Variants in HPSE2 observed in about 807,000 individuals in gnomAD.
HPSE2 encodes the protein heparanase 2 (inactive).
In HPSE2, 38 loss-of-function variants were observed where a neutral mutation model predicts 60.5. The ratio of observed to expected loss-of-function variants is 0.63; its 90% CI spans 0.48 to 0.82. The LOEUF (loss-of-function observed/expected upper bound fraction) is 0.82. Among genes scored for constraint, HPSE2 ranks in the 40% least tolerant of loss-of-function variants. The pLI is 0.00. For missense variants in HPSE2, 713 were observed against 740.4 expected (o/e 0.96, Z 0.43); for synonymous variants, 295 against 293.2 (o/e 1.01, Z -0.06).
chr10:98,513,631 A>T (rs976714471), intron 9 of HPSE2, among the ~76,000 whole-genome samples: 1 of 152,216 alleles, frequency 6.6e-6, no homozygotes, highest in Non-Finnish European at 1.5e-5. Flanking sequence ...GGGCTCAAAA[A>T]ATCAAGGGCA....
intron 4 of HPSE2, among the ~76,000 whole-genome samples, chr10:98,733,003 T>C (rs991740341): frequency 6.6e-6 from 1 of 152,166 alleles, no homozygotes; most frequent in Non-Finnish European, 1.5e-5. Context: ...AGTAAGTACA[T>C]GAAAAGGTGC....
chr10:98,751,809 T>C (rs1046914968), intron 3 of HPSE2, among the ~76,000 whole-genome samples: 1 of 152,188 alleles, frequency 6.6e-6, no homozygotes, highest in Non-Finnish European at 1.5e-5. Context: ...TGGGGTTGGG[T>C]TAATACTAGG....
chr10:98,809,922 A>T (rs958189430), intron 3 of HPSE2, among the ~76,000 whole-genome samples: 6 of 152,080 alleles, frequency 3.9e-5, no homozygotes, highest in Admixed American at 3.9e-4. Context: ...TAATTCTTTG[A>T]TCTTTCCCAT....
chr10:99,271,787 T>G, the HPSE2 span, among the ~76,000 whole-genome samples: 1 of 152,130 alleles, frequency 6.6e-6, no homozygotes, highest in Admixed American at 6.5e-5. Flanking sequence ...GGTTCTGGTA[T>G]AAAAACAGGG....
intron 9 of HPSE2, among the ~76,000 whole-genome samples, chr10:98,528,812 T>G (rs1591318131): frequency 6.6e-6 from 1 of 152,328 alleles, no homozygotes; most frequent in Admixed American, 6.5e-5. Context: ...TTACGGTTAC[T>G]GTGAATGAAA....
chr10:99,261,993 G>GC, the HPSE2 span, among the ~76,000 whole-genome samples: 1 of 152,188 alleles, frequency 6.6e-6, no homozygotes, highest in South Asian at 2.1e-4. Context: ...CACTCCCAGA[G>GC]CCCCTGGAAC....
chr10:98,855,348 G>A (rs1952286804), intron 3 of HPSE2, among the ~76,000 whole-genome samples: 1 of 152,114 alleles, frequency 6.6e-6, no homozygotes, highest in Non-Finnish European at 1.5e-5. Context: ...ATAGAGAGGA[G>A]GGAGACAAGG....
intron 3 of HPSE2, among the ~76,000 whole-genome samples, chr10:99,064,290 G>A (rs1357899621): frequency 3.3e-5 from 5 of 152,032 alleles, no homozygotes. Flanking sequence ...TTTGTGTGAG[G>A]GAGTAATCAT....
chr10:99,108,491 A>G (rs553967144), intron 3 of HPSE2, among the ~76,000 whole-genome samples: 33 of 152,146 alleles, frequency 2.2e-4, no homozygotes, highest in Admixed American at 2.2e-3. Flanking sequence ...TATATATTTC[A>G]TGGCTAACTT....
At chr10:98,655,732 C>T (rs1947043330) in intron 6 of HPSE2, among the ~76,000 whole-genome samples, 2 of 152,076 alleles carry the variant, frequency 1.3e-5, no homozygotes, top group African/African-American at 4.8e-5. Flanking sequence ...TGGGAAATAC[C>T]CTTAATCTCC....
At chr10:99,291,484 T>G in the HPSE2 span, among the ~76,000 whole-genome samples, 4 of 150,514 alleles carry the variant, frequency 2.7e-5, no homozygotes, top group South Asian at 8.4e-4. Flanking sequence ...CTTGGGAGAC[T>G]GAGGCAGGAG....
chr10:99,296,075 TGG>T, the HPSE2 span, among the ~76,000 whole-genome samples: 1 of 152,194 alleles, frequency 6.6e-6, no homozygotes. Flanking sequence ...ACTTTCTATT[TGG>T]GGGAACTTCA....
At chr10:99,011,692 G>T (rs1430413584) in intron 3 of HPSE2, among the ~76,000 whole-genome samples, 1 of 142,126 alleles carries the variant, frequency 7.0e-6, no homozygotes, top group Non-Finnish European at 1.5e-5. Context: ...AGAGGCAGGG[G>T]TTGCAGTGAG....
At chr10:99,124,391 T>C (rs1201239960) in intron 3 of HPSE2, among the ~76,000 whole-genome samples, 2 of 152,178 alleles carry the variant, frequency 1.3e-5, no homozygotes, top group Admixed American at 1.3e-4. Context: ...AAGGTGGGGC[T>C]TCACCAGATA....
chr10:98,659,079 C>T (rs1340596617), intron 6 of HPSE2, among the ~76,000 whole-genome samples: 2 of 152,110 alleles, frequency 1.3e-5, no homozygotes, highest in African/African-American at 4.8e-5. Flanking sequence ...ATCCATTAAG[C>T]AGTCACTCAC....
intron 9 of HPSE2, among the ~76,000 whole-genome samples, chr10:98,497,960 T>C (rs1440256344): frequency 6.6e-6 from 1 of 152,208 alleles, no homozygotes; most frequent in Non-Finnish European, 1.5e-5. Flanking sequence ...GCCAGAAATC[T>C]GTCAATATGA....
intron 3 of HPSE2, among the ~76,000 whole-genome samples, chr10:98,978,277 A>G (rs1956132265): frequency 6.6e-6 from 1 of 152,178 alleles, no homozygotes. Context: ...ATCATTTTCT[A>G]TAAGCAGGCC....
chr10:99,228,226 T>C (rs1849536413), intron 2 of HPSE2, among the ~76,000 whole-genome samples: 1 of 152,112 alleles, frequency 6.6e-6, no homozygotes, highest in Admixed American at 6.5e-5. Context: ...ATAAAAGGTA[T>C]ATGGAAACAC....
intron 3 of HPSE2, among the ~76,000 whole-genome samples, chr10:99,063,446 G>A (rs1017690305): frequency 2.6e-5 from 4 of 152,094 alleles, no homozygotes; most frequent in Admixed American, 1.3e-4. Flanking sequence ...TTTCAGCTTG[G>A]CAAGAATTAA....
Sources: allele counts gnomAD v4.1 joint callset (sites outside exome capture counted in the v4.1 genomes callset), GRCh38; gene constraint gnomAD v4.1.1; transcripts MANE v1.5; gene names NCBI Gene and HGNC (gene_info 2026-07-23, HGNC 2026-07-21).